The following CDH13 variants were observed in gnomAD, a reference collection of about 807,000 sequenced individuals.
The protein encoded by CDH13 is cadherin 13.
CDH13 carries 24 observed loss-of-function variants against 63.8 expected under a neutral mutation model. That is an observed-to-expected ratio of 0.38 (90% CI 0.27 to 0.53). The LOEUF (loss-of-function observed/expected upper bound fraction) is 0.53, where lower values mean the gene tolerates loss of function less well. Ranked by LOEUF, CDH13 falls within the 20% of genes least tolerant of loss-of-function variation. The pLI is 0.85. For synonymous variants in CDH13, 503 were observed against 355.3 expected, an observed-to-expected ratio of 1.42 and a Z score of -4.67; for missense variants, 1,049 against 903.1, an observed-to-expected ratio of 1.16 and a Z score of -2.07.
intron 10 of CDH13, among the ~76,000 whole-genome samples, chr16:83,691,413 G>T (rs139163048): frequency 1.3e-5 from 2 of 152,122 alleles, no homozygotes; most frequent in Admixed American, 6.5e-5. Flanking sequence ...GGAAGTGAAC[G>T]TAGGGCTGTG....
chr16:83,486,564 C>G lies in CDH13; in HGVS notation c.869C>G (p.Thr290Arg), dbSNP rs182375654. 6.2e-7 allele frequency: 1 copy of G among 1,613,782 alleles called. No homozygotes were observed. The highest frequency in any genetic ancestry group is 1.3e-5 in the African/African-American group (1 of 74,914). ...CTGCGGTATAATATCCGTCAGCAGA[C>G]GCCTGACAAGCCATCTCCCAACATG... The part of the protein sequence containing the change: ...ALLRYNIRQQ[T>R]PDKPSPNMFY... The change falls in exon 7 of 14, where the codon ACG becomes AGG. Residue 290 changes from threonine to arginine, a missense_variant. By Grantham distance (71) the Thr-to-Arg change is moderately conservative. Transcript: ENST00000567109.
At chr16:83,134,671 A>C (rs948720900) in intron 4 of CDH13, among the ~76,000 whole-genome samples, 9 of 152,042 alleles carry the variant, frequency 5.9e-5, no homozygotes, top group Admixed American at 2.0e-4. Flanking sequence ...AAACACTCAT[A>C]ACTTTTATCT....
chr16:83,381,389 C>G (rs1243369941), intron 6 of CDH13, among the ~76,000 whole-genome samples: 1 of 152,002 alleles, frequency 6.6e-6, no homozygotes, highest in Non-Finnish European at 1.5e-5. Flanking sequence ...AGTTCCAAAC[C>G]TCTCTGACTT....
chr16:83,295,025 C>G (rs1305834803), intron 5 of CDH13, among the ~76,000 whole-genome samples: 1 of 151,984 alleles, frequency 6.6e-6, no homozygotes, highest in Non-Finnish European at 1.5e-5. Context: ...ACTGTTATAA[C>G]AACAGACACA....
intron 1 of CDH13, among the ~76,000 whole-genome samples, chr16:82,667,156 G>A (rs1428090871): frequency 6.6e-6 from 1 of 152,190 alleles, no homozygotes; most frequent in African/African-American, 2.4e-5. Context: ...CTAGCAGCTG[G>A]AGCAGGAATG....
At chr16:83,444,211 A>G (rs2072593797) in intron 6 of CDH13, among the ~76,000 whole-genome samples, 1 of 152,098 alleles carries the variant, frequency 6.6e-6, no homozygotes, top group Non-Finnish European at 1.5e-5. Flanking sequence ...GATGATGATA[A>G]TGATGACCAT....
intron 4 of CDH13, among the ~76,000 whole-genome samples, chr16:83,216,410 ATATATATATATATATAT>A (rs2039517731): frequency 1.9e-5 from 1 of 51,734 alleles, no homozygotes; most frequent in Non-Finnish European, 3.6e-5. Context: ...ATATATATAT[ATATATATATATATATAT>A]ATATATATAT....
At chr16:82,692,398 T>G (rs1276619574) in intron 1 of CDH13, among the ~76,000 whole-genome samples, 1 of 152,180 alleles carries the variant, frequency 6.6e-6, no homozygotes, top group African/African-American at 2.4e-5. Flanking sequence ...ACAATCATGG[T>G]GGAAGGCGAA....
intron 6 of CDH13, among the ~76,000 whole-genome samples, chr16:83,403,593 A>C (rs1288865647): frequency 2.0e-5 from 3 of 152,018 alleles, no homozygotes; most frequent in Non-Finnish European, 2.9e-5. Flanking sequence ...ATTGCAGTCC[A>C]CTCTGGGCGA....
chr16:82,668,011 T>C (rs1344339999), intron 1 of CDH13, among the ~76,000 whole-genome samples: 2 of 152,186 alleles, frequency 1.3e-5, no homozygotes, highest in Admixed American at 6.5e-5. Flanking sequence ...CGCGACACCA[T>C]TACCAGGACT....
chr16:83,374,483 T>C (rs573763899), intron 6 of CDH13, among the ~76,000 whole-genome samples: 3 of 152,318 alleles, frequency 2.0e-5, no homozygotes, highest in Admixed American at 2.0e-4. Flanking sequence ...TTCACAGTTT[T>C]GACTAAATAG....
intron 7 of CDH13, among the ~76,000 whole-genome samples, chr16:83,499,794 A>G (rs1457017452): frequency 8.8e-6 from 1 of 113,984 alleles, no homozygotes; most frequent in Non-Finnish European, 1.8e-5. Context: ...TAATTTAGAA[A>G]ACCAATTCTG....
chr16:83,755,775 T>C (rs961832652), intron 11 of CDH13, among the ~76,000 whole-genome samples: 13 of 151,060 alleles, frequency 8.6e-5, no homozygotes, highest in African/African-American at 3.2e-4. Flanking sequence ...TGGAATTGTA[T>C]TGCAAGCAGG....
At chr16:83,489,533 G>T (rs145401307) in intron 7 of CDH13, among the ~76,000 whole-genome samples, 28 of 152,304 alleles carry the variant, frequency 1.8e-4, no homozygotes, top group African/African-American at 6.7e-4. Context: ...CTTCACTTCA[G>T]CATGTTTGCT....
At chr16:83,588,146 C>A (rs1906356008) in intron 7 of CDH13, among the ~76,000 whole-genome samples, 1 of 152,194 alleles carries the variant, frequency 6.6e-6, no homozygotes, top group African/African-American at 2.4e-5. Context: ...CCAAAGCAGC[C>A]ACAGCCTCCC....
chr16:83,579,713 T>C (rs544554976), intron 7 of CDH13, among the ~76,000 whole-genome samples: 1 of 152,208 alleles, frequency 6.6e-6, no homozygotes, highest in East Asian at 1.9e-4. Context: ...TCCCTGGAGC[T>C]GTACTGATGT....
At chr16:83,074,124 C>A (rs915188330) in intron 3 of CDH13, among the ~76,000 whole-genome samples, 1 of 152,152 alleles carries the variant, frequency 6.6e-6, no homozygotes, top group African/African-American at 2.4e-5. Flanking sequence ...TAACTAATTT[C>A]TCTTCACTTA....
At chr16:82,767,047 T>C (rs1044896953) in intron 1 of CDH13, among the ~76,000 whole-genome samples, 4 of 152,370 alleles carry the variant, frequency 2.6e-5, no homozygotes, top group South Asian at 2.1e-4. Flanking sequence ...ATGTTTTCGA[T>C]TGGACACATT....
At chr16:82,693,392 A>C (rs1915820040) in intron 1 of CDH13, among the ~76,000 whole-genome samples, 1 of 152,192 alleles carries the variant, frequency 6.6e-6, no homozygotes, top group Non-Finnish European at 1.5e-5. Flanking sequence ...ATGAAAACAC[A>C]GTTGTGCAGG....
Sources: allele counts gnomAD v4.1 joint callset (sites outside exome capture counted in the v4.1 genomes callset), GRCh38; gene constraint gnomAD v4.1.1; transcripts MANE v1.5; gene names NCBI Gene and HGNC (gene_info 2026-07-23, HGNC 2026-07-21).